NECTIN1: variants seen among roughly 807,000 people sequenced by gnomAD.
NECTIN1 encodes nectin-1.
Under a neutral mutation model 48.0 loss-of-function variants are expected in NECTIN1, and 23 were observed. The ratio of observed to expected loss-of-function variants is 0.48; its 90% CI spans 0.34 to 0.68. NECTIN1 has a LOEUF of 0.68. Among genes scored for constraint, NECTIN1 ranks in the 30% least tolerant of loss-of-function variants. The pLI, the probability that NECTIN1 is intolerant of heterozygous loss-of-function variation, is 0.01. For missense variants in NECTIN1, 591 were observed against 709.9 expected (o/e 0.83, Z 1.90); for synonymous variants, 270 against 288.9 (o/e 0.93, Z 0.66).
In NECTIN1 at chr11:119,664,993, A is replaced by G. The variant is rs775628224; in HGVS notation, c.1308T>C (p.Tyr436=). 2 of 1,608,426 alleles carry G rather than the reference A, an allele frequency of 1.2e-6. No homozygotes were observed. The highest frequency in any genetic ancestry group is 1.7e-6 in the Non-Finnish European group (2 of 1,176,158). ...KKAGPLGGSS[Y]EEEEEEEEGG... ...CCTCCTCCTCCTCCTCCTCCTCCTC[A>G]TAGCTGCTTCCACCCAGTGGGCCGG... Residue 436 remains tyrosine, a synonymous_variant, in exon 6 of 6, where the codon TAT becomes TAC. Transcript: ENST00000264025.
chr11:119,644,193 T>A (rs577306657), intron 5 of NECTIN1, among the ~76,000 whole-genome samples: 3 of 152,232 alleles, frequency 2.0e-5, no homozygotes, highest in African/African-American at 4.8e-5. Flanking sequence ...CTGGTTTTCC[T>A]GTCCCTCAGA....
rs746608960 is a variant in NECTIN1, at chr11:119,664,867, C to T, written c.1434G>A (p.Gln478=). ...YFTVDEAEAR[Q]DGYGDRTLGY... The stretch of plus-strand genomic sequence containing the variant: ...CCAGAGTCCGGTCCCCGTAGCCGTC[C>T]TGACGGGCCTCGGCCTCATCCACGG... The change falls in exon 6 of 6, where the codon CAG becomes CAA. Residue 478 remains glutamine, a synonymous_variant. Transcript: ENST00000264025. The T allele has an allele frequency of 2.2e-5, 36 of 1,614,056 alleles. No individual in the cohort carries two copies. Among genetic ancestry groups the T allele is most frequent in the Non-Finnish European group, 1.7e-5 (20 of 1,179,966 alleles).
chr11:119,717,306 A>C lies in NECTIN1; in HGVS notation c.79+11169T>G, dbSNP rs1485823927. The stretch of plus-strand genomic sequence containing the variant: ...GTCGCACACGTTCCCCCAAAGGCCT[A>C]TCCATCACGCCAGTGGAGACCATCA... On this transcript the variant is annotated intron_variant, in intron 1 of 5. Coordinates refer to ENST00000264025, the MANE Select transcript of NECTIN1 (RefSeq NM_002855.5). Among the ~76,000 whole-genome samples, 6 of 152,332 alleles carry C rather than the reference A, an allele frequency of 3.9e-5. No homozygotes were observed. The East Asian group carries it at 1.2e-3, about 29-fold the overall frequency.
In NECTIN1 at chr11:119,681,248, G is replaced by A. The variant is rs1452770098; in HGVS notation, c.80-2483C>T. ...GGCTGCCCAGTGGCTGAGATAATGT[G>A]GGCATAATTGGGGAACTTGCACCAC... On this transcript the variant is annotated intron_variant, in intron 1 of 5. Coordinates refer to ENST00000264025, the MANE Select transcript of NECTIN1 (RefSeq NM_002855.5). Among the ~76,000 whole-genome samples, 3 of 152,360 alleles carry A rather than the reference G, an allele frequency of 2.0e-5. No individual in the cohort carries two copies. In the East Asian group the frequency reaches 5.8e-4, roughly 29 times the overall value.
intron 5 of NECTIN1, among the ~76,000 whole-genome samples, chr11:119,646,933 C>CG (rs1565375611): frequency 6.6e-6 from 1 of 152,214 alleles, no homozygotes; most frequent in East Asian, 1.9e-4. Context: ...TGTGGACAGT[C>CG]GGTGCCTAGT....
intron 5 of NECTIN1, among the ~76,000 whole-genome samples, chr11:119,650,415 C>G (rs1045041374): frequency 6.6e-6 from 1 of 152,288 alleles, no homozygotes; most frequent in East Asian, 1.9e-4. Context: ...TCCTCATGAG[C>G]CCGGCCTGCC....
Position 119,678,177 on chromosome 11 carries a change from T to C in NECTIN1, c.430+238A>G, listed in dbSNP as rs1309256761. Among the ~76,000 whole-genome samples the C allele has an allele frequency of 6.6e-6, 1 of 152,178 alleles. No individual in the cohort carries two copies. Among genetic ancestry groups the C allele is most frequent in the African/African-American group, 2.4e-5 (1 of 41,452 alleles). Reference sequence around the variant, plus strand: ...CTGATGCTGCTGCCAGCACAGTGCCTTGTGGGCTTCAACCTGAAGAATCAC... The same window carrying C: ...CTGATGCTGCTGCCAGCACAGTGCCCTGTGGGCTTCAACCTGAAGAATCAC... On this transcript the variant is annotated intron_variant, in intron 2 of 5. Transcript: ENST00000264025. The surrounding 1 kb of genome is among the most constrained non-coding windows in gnomAD (Gnocchi z 4.4).
intron 1 of NECTIN1, among the ~76,000 whole-genome samples, chr11:119,724,737 G>GCA (rs142748539): frequency 2.0e-5 from 3 of 152,074 alleles, no homozygotes; most frequent in Middle Eastern, 3.4e-3. Context: ...CCCCATAGAT[G>GCA]CACACACACA....
chr11:119,687,600 A>G (rs1434062812), intron 1 of NECTIN1, among the ~76,000 whole-genome samples: 1 of 151,500 alleles, frequency 6.6e-6, no homozygotes, highest in African/African-American at 2.4e-5. Context: ...CATTTTGGGG[A>G]GTGTAGGCAG....
At chr11:119,711,010 G>A (rs1865634098) in intron 1 of NECTIN1, among the ~76,000 whole-genome samples, 1 of 150,428 alleles carries the variant, frequency 6.6e-6, no homozygotes. Context: ...CAAGTAAAAG[G>A]AAAGCATCAG....
rs55695982 is a variant in NECTIN1, at chr11:119,648,063, C to CAAA, written c.1004-8054_1004-8052dup. On this transcript the variant is annotated intron_variant, in intron 5 of 7. Coordinates refer to the NECTIN1 transcript ENST00000341398. ...TGGGTGACAGAGTGAGACACCGTCT[C>CAAA]AAAAAAAAAAAAAAAAAAAAAAAAA... 7.2e-4 allele frequency among the ~76,000 whole-genome samples: 31 copies of CAAA among 43,088 alleles called. 3 individuals are homozygous for CAAA. The highest frequency in any genetic ancestry group is 1.6e-3 in the South Asian group (1 of 640). 28.3% of individuals were successfully genotyped at this position (43,088 alleles called of 152,430 possible).
intron 1 of NECTIN1, among the ~76,000 whole-genome samples, chr11:119,711,790 T>C (rs1311316515): frequency 6.6e-6 from 1 of 151,704 alleles, no homozygotes; most frequent in Non-Finnish European, 1.5e-5. Flanking sequence ...GGAAAAGCAG[T>C]TTTGGAAAAA....
At chr11:119,715,067 G>C (rs1048019525) in intron 1 of NECTIN1, among the ~76,000 whole-genome samples, 10 of 152,208 alleles carry the variant, frequency 6.6e-5, no homozygotes, top group African/African-American at 2.4e-4. Context: ...GCTGGGGGCA[G>C]TCAGGGCTGT....
chr11:119,648,307 A>ATGGTGATGGTGGTGGTGG (rs1864434188), intron 5 of NECTIN1, among the ~76,000 whole-genome samples: 1 of 10,418 alleles, frequency 9.6e-5, no homozygotes, highest in Non-Finnish European at 1.8e-4. Context: ...GGTGGTGGTG[A>ATGGTGATGGTGGTGGTGG]TGGTGGTGAT....
At chr11:119,680,492 G>A (rs1038837489) in intron 1 of NECTIN1, among the ~76,000 whole-genome samples, 2 of 152,178 alleles carry the variant, frequency 1.3e-5, no homozygotes, top group South Asian at 4.1e-4. Context: ...CCTCCTCAGC[G>A]TGACGGGGAT....
At chr11:119,712,316 G>A (rs1026170615) in intron 1 of NECTIN1, among the ~76,000 whole-genome samples, 2 of 148,240 alleles carry the variant, frequency 1.3e-5, no homozygotes, top group South Asian at 2.2e-4. Flanking sequence ...TCAAGGTCAC[G>A]GTCCCAGAGA....
chr11:119,675,488 A>C (rs1864931610), intron 4 of NECTIN1, 178 bp from the exon 5 acceptor site: 2 of 651,598 alleles, frequency 3.1e-6, no homozygotes, highest in Non-Finnish European at 5.2e-6. Context: ...GTTTTATATT[A>C]TTCAGCTTTT....
chr11:119,638,864 C>T (rs1864278148), intron 6 of NECTIN1: 1 of 1,444,470 alleles, frequency 6.9e-7, no homozygotes, highest in East Asian at 2.3e-5. Context: ...CTCTCCCCAT[C>T]AGGCCACCAG....
intron 1 of NECTIN1, among the ~76,000 whole-genome samples, chr11:119,696,286 C>T (rs557066457): frequency 3.3e-5 from 5 of 152,180 alleles, no homozygotes; most frequent in South Asian, 2.1e-4. Flanking sequence ...TGGTGTCCCC[C>T]GCACAGTGCT....
Sources: gnomAD v4.1 joint callset for allele counts (sites outside exome capture counted in the v4.1 genomes callset) on GRCh38, gnomAD v4.1.1 for gene constraint, Gnocchi (gnomAD v3.1) non-coding constraint, MANE v1.5 for transcripts, NCBI Gene and HGNC (gene_info 2026-07-23, HGNC 2026-07-21) for gene names.